C14orf93: variants seen among roughly 807,000 people sequenced by gnomAD.
The protein encoded by C14orf93 is chromosome 14 open reading frame 93, also known as uncharacterized protein C14orf93.
Under a neutral mutation model 44.0 loss-of-function variants are expected in C14orf93, and 23 were observed. That is an observed-to-expected ratio of 0.52 (90% CI 0.38 to 0.74). C14orf93 has a LOEUF of 0.74. Ranked by LOEUF, C14orf93 falls within the 30% of genes least tolerant of loss-of-function variation. The pLI is 0.00. For synonymous variants in C14orf93, 253 were observed against 265.7 expected, an observed-to-expected ratio of 0.95 and a Z score of 0.46; for missense variants, 579 against 678.9, an observed-to-expected ratio of 0.85 and a Z score of 1.64.
At chr14:23,006,796 A>G (rs2046637331) in intron 1 of C14orf93, 1 of 152,316 alleles carries the variant, frequency 6.6e-6, no homozygotes, top group Non-Finnish European at 1.5e-5. Context: ...ACTGCTCAAG[A>G]GGCCTCAGGG....
intron 1 of C14orf93, chr14:23,007,046 T>C (rs2046652764): frequency 6.6e-6 from 1 of 152,300 alleles, no homozygotes; most frequent in Non-Finnish European, 1.5e-5. Context: ...ACAGATGTTC[T>C]ACCGCGTGTG....
intron 3 of C14orf93, among the ~76,000 whole-genome samples, chr14:22,992,126 C>G (rs2045676901): frequency 6.6e-6 from 1 of 152,190 alleles, no homozygotes; most frequent in Admixed American, 6.5e-5. Flanking sequence ...GATGAGTTCT[C>G]CATTCTGAGT....
chr14:23,007,295 T>C (rs1032539776), intron 1 of C14orf93, among the ~76,000 whole-genome samples: 1 of 152,172 alleles, frequency 6.6e-6, no homozygotes, highest in African/African-American at 2.4e-5. Context: ...GGGAGGGGCC[T>C]CCTCAGGGAG....
chr14:23,005,323 C>G (rs2046572026), intron 1 of C14orf93: 1 of 152,104 alleles, frequency 6.6e-6, no homozygotes, highest in Admixed American at 6.6e-5. Flanking sequence ...ACCAGAATGA[C>G]AGAAATGAGG....
chr14:22,987,411 C>T lies in C14orf93; in HGVS notation c.1421G>A (p.Gly474Glu), dbSNP rs1479186396. The T allele has an allele frequency of 1.9e-6, 3 of 1,614,222 alleles. No individual in the cohort carries two copies. The highest frequency in any genetic ancestry group is 2.5e-6 in the Non-Finnish European group (3 of 1,180,040). Residue 474 changes from glycine to glutamate, a missense_variant, in exon 7 of 7, where the codon GGG becomes GAG. Transcript: ENST00000299088. This position sits in a 1 kb window ranked among gnomAD's most constrained non-coding sequence, Gnocchi z 5.6. ...KHGTKANRVY[G>E]PPSDRLPSAE... The stretch of plus-strand genomic sequence containing the variant: ...AGAAGGCAGTCTGTCTGAGGGAGGC[C>T]CATACACACGGTTGGCTTTGGTGCC...
chr14:22,990,928 C>T lies in C14orf93; in HGVS notation c.919-801G>A, dbSNP rs1280459815. Reference sequence around the variant, plus strand: ...CTGCCTCTCGGGTTCACGCCATTCTCCTCCCTCAGCTTCCTGAGTAGCTGG... The same window carrying T: ...CTGCCTCTCGGGTTCACGCCATTCTTCTCCCTCAGCTTCCTGAGTAGCTGG... On this transcript the variant is annotated intron_variant, in intron 3 of 6. Transcript: ENST00000299088. Among the ~76,000 whole-genome samples the T allele has an allele frequency of 5.3e-5, 8 of 150,878 alleles. 1 individual carries two copies. The highest frequency in any genetic ancestry group is 4.2e-4 in the South Asian group (2 of 4,780).
intron 1 of C14orf93, among the ~76,000 whole-genome samples, chr14:23,003,663 T>A (rs2139740720): frequency 6.6e-6 from 1 of 151,192 alleles, no homozygotes; most frequent in Middle Eastern, 3.4e-3. Context: ...TAGCCGCGCA[T>A]GCTGGCGCGT....
intron 1 of C14orf93, among the ~76,000 whole-genome samples, chr14:23,001,328 G>A (rs529334382): frequency 4.6e-5 from 7 of 152,288 alleles, no homozygotes; most frequent in Non-Finnish European, 8.8e-5. Context: ...AGATGCATCC[G>A]GCTGGGACAC....
intron 5 of C14orf93, 60 bp downstream of exon 5, chr14:22,989,682 A>C: frequency 1.7e-6 from 2 of 1,161,572 alleles, no homozygotes; most frequent in Admixed American, 1.7e-5. Flanking sequence ...TGACCAAGAA[A>C]GAGGAGTGGG....
Position 22,999,055 on chromosome 14 carries a change from C to T in C14orf93, c.-32G>A. ...TGGGGCAGTAACAACCACGCTTACACTGCTGGGCCGCTCCAACAGGTAGGA... is the reference window on the plus strand; with the variant it reads ...TGGGGCAGTAACAACCACGCTTACATTGCTGGGCCGCTCCAACAGGTAGGA... On this transcript the variant is annotated 5_prime_UTR_variant, in exon 2 of 7. In the 5' UTR this introduces an upstream ATG that the reference lacks. Coordinates refer to ENST00000299088, the MANE Select transcript of C14orf93 (RefSeq NM_021944.4). The T allele has an allele frequency of 6.4e-7, 1 of 1,565,834 alleles. No individual in the cohort carries two copies. The highest frequency in any genetic ancestry group is 1.7e-4 in the Middle Eastern group (1 of 5,872).
At chr14:22,989,719 G>A in intron 5 of C14orf93, 23 bp downstream of exon 5, 1 of 1,502,896 alleles carries the variant, frequency 6.7e-7, no homozygotes. Flanking sequence ...GGATGGCATA[G>A]GAGTTAAACC....
chr14:22,998,257 G>A (rs995060740), intron 2 of C14orf93, 170 bp downstream of exon 2: 2 of 1,016,284 alleles, frequency 2.0e-6, no homozygotes, highest in East Asian at 5.8e-5. Flanking sequence ...GATGGTTCAG[G>A]AAGAAAATAG....
intron 1 of C14orf93, among the ~76,000 whole-genome samples, chr14:23,009,219 G>A (rs907585916): frequency 1.3e-5 from 2 of 152,162 alleles, no homozygotes; most frequent in African/African-American, 4.8e-5. Flanking sequence ...TTTAGGAGCA[G>A]AAAAATATAG....
chr14:23,008,780 G>A (rs2139857538), intron 1 of C14orf93, among the ~76,000 whole-genome samples: 1 of 152,306 alleles, frequency 6.6e-6, no homozygotes, highest in South Asian at 2.1e-4. Context: ...GAAATGAGAA[G>A]CTTTCCATTC....
rs376948039 is a variant in C14orf93, at chr14:22,988,751, A to G, written c.1085-736T>C. 1.3e-4 allele frequency among the ~76,000 whole-genome samples: 20 copies of G among 152,132 alleles called. No individual in the cohort carries two copies. The East Asian group carries it at 3.3e-3, about 25-fold the overall frequency. ...CTCCCACTGGAAAAAGACAACTCCA[A>G]TCGCTTCTGTGTCTCCCCGCTCCCT... On this transcript the variant is annotated intron_variant, in intron 5 of 6. Transcript: ENST00000299088.
rs776831743 is a variant in C14orf93 at position 22,987,540 on chromosome 14, T to G, written c.1292A>C (p.Glu431Ala). 1 of 1,614,240 alleles carries G rather than the reference T, an allele frequency of 6.2e-7. No individual in the cohort carries two copies. The highest frequency in any genetic ancestry group is 8.5e-7 in the Non-Finnish European group (1 of 1,180,040). Reference protein sequence around the residue: ...DVTEELMSDEEDSLNEPGVWV... With the variant: ...DVTEELMSDEADSLNEPGVWV... ...CACACCTGGCTCGTTAAGACTGTCC[T>G]CTTCATCTGACATCAGTTCCTCTGT... The change falls in exon 7 of 7, where the codon GAG (glutamate) becomes GCG (alanine). Residue 431 changes from glutamate (E) to alanine (A), a missense_variant. By Grantham distance (107) the Glu-to-Ala change is moderately radical. Coordinates refer to ENST00000299088, the MANE Select transcript of C14orf93 (RefSeq NM_021944.4). This position sits in a 1 kb window ranked among gnomAD's most constrained non-coding sequence, Gnocchi z 5.6.
In C14orf93 at chr14:22,987,319, C is replaced by T. The variant is rs1594582500; in HGVS notation, c.1513G>A (p.Gly505Arg). The T allele has an allele frequency of 6.2e-7, 1 of 1,614,254 alleles. No individual in the cohort carries two copies. The highest frequency in any genetic ancestry group is 8.5e-7 in the Non-Finnish European group (1 of 1,180,026). The stretch of plus-strand genomic sequence containing the variant: ...GGGGAGCCAGGTGCATTCTCATCCC[C>T]TCCCTCATCTTCCTCTTCTTGGAAA... ...PNFQEEEDEG[G>R]DENAPGSPSF... The change falls in exon 7 of 7, where the codon GGG becomes AGG. Residue 505 changes from glycine to arginine, a missense_variant. By Grantham distance (125) the Gly-to-Arg change is moderately radical. Transcript: ENST00000299088. This position sits in a 1 kb window ranked among gnomAD's most constrained non-coding sequence, Gnocchi z 5.6.
At chr14:23,000,714 C>CAA (rs758471653) in intron 1 of C14orf93, among the ~76,000 whole-genome samples, 853 of 54,092 alleles carry the variant, frequency 0.016, 14 homozygotes, top group African/African-American at 0.043. Context: ...GACTCCACCT[C>CAA]AAAAAAAAAA....
At chr14:22,990,280 T>C (rs1348814178) in intron 3 of C14orf93, among the ~76,000 whole-genome samples, 153 bp from the exon 4 acceptor site, 1 of 152,212 alleles carries the variant, frequency 6.6e-6, no homozygotes, top group African/African-American at 2.4e-5. Flanking sequence ...ATTTCTAGTG[T>C]GGTCTTCCCT....
Sources: allele counts gnomAD v4.1 joint callset (sites outside exome capture counted in the v4.1 genomes callset), GRCh38; gene constraint gnomAD v4.1.1; non-coding constraint Gnocchi (gnomAD v3.1); transcripts MANE v1.5; gene names NCBI Gene and HGNC (gene_info 2026-07-23, HGNC 2026-07-21).